The following RASSF3 variants were observed in gnomAD, a reference collection of about 807,000 sequenced individuals.
The protein encoded by RASSF3 is Ras association domain family member 3, also known as ras association domain-containing protein 3.
RASSF3 carries 19 observed loss-of-function variants against 19.9 expected under a neutral mutation model. That is an observed-to-expected ratio of 0.96 (90% CI 0.67 to 1.40). The LOEUF is 1.40. Ranked by LOEUF, RASSF3 falls within the 40% of genes most tolerant of loss-of-function variation. The pLI is 0.00. For missense variants in RASSF3, 306 were observed against 289.8 expected (o/e 1.06, Z -0.41); for synonymous variants, 110 against 104.2 (o/e 1.06, Z -0.34).
At chr12:64,524,266 T>C (rs1440829431) in intron 1 of RASSF3, among the ~76,000 whole-genome samples, 1 of 138,164 alleles carries the variant, frequency 7.2e-6, no homozygotes, top group African/African-American at 2.8e-5. Flanking sequence ...TTATTTATTT[T>C]TGTAGAATCA....
chr12:64,508,449 G>A (rs1459431887), intron 1 of RASSF3, among the ~76,000 whole-genome samples: 3 of 151,632 alleles, frequency 2.0e-5, no homozygotes, highest in Admixed American at 6.6e-5. Flanking sequence ...CCTGGGAGGC[G>A]AAGGTTGCAG....
At chr12:64,644,184 GTTGT>G (rs1425138821) in intron 1 of RASSF3, among the ~76,000 whole-genome samples, 1 of 152,180 alleles carries the variant, frequency 6.6e-6, no homozygotes, top group Non-Finnish European at 1.5e-5. Flanking sequence ...ATTGATTAGA[GTTGT>G]TTAAGGTAGA....
intron 1 of RASSF3, among the ~76,000 whole-genome samples, chr12:64,676,432 G>C (rs1265675352): frequency 2.8e-5 from 4 of 143,908 alleles, no homozygotes; most frequent in Non-Finnish European, 3.0e-5. Flanking sequence ...GCCTCCCAAA[G>C]TGCTGAGATT....
At chr12:64,587,051 C>CTT (rs747066386) in intron 2 of RASSF3, among the ~76,000 whole-genome samples, 1,597 of 134,082 alleles carry the variant, frequency 0.012, 87 homozygotes, top group African/African-American at 0.043. Flanking sequence ...CCTCGCCTCA[C>CTT]TTTTTTTTTT....
At chr12:64,508,407 C>A (rs1374518945) in intron 1 of RASSF3, among the ~76,000 whole-genome samples, 2 of 151,648 alleles carry the variant, frequency 1.3e-5, no homozygotes, top group Non-Finnish European at 2.9e-5. Flanking sequence ...ATCCCAGCTA[C>A]TCAGGAGACT....
intron 2 of RASSF3, among the ~76,000 whole-genome samples, chr12:64,583,681 C>G (rs1021740592): frequency 2.0e-5 from 3 of 152,080 alleles, no homozygotes; most frequent in African/African-American, 7.2e-5. Context: ...TTGCTGGCAC[C>G]AGGCACACAT....
At chr12:64,648,487 G>C (rs145425002) in intron 1 of RASSF3, among the ~76,000 whole-genome samples, 255 of 152,168 alleles carry the variant, frequency 1.7e-3, no homozygotes, top group African/African-American at 5.6e-3. Context: ...GGGTTAACCA[G>C]CGGTGGGTGT....
rs531811121 is a variant in RASSF3, at chr12:64,689,810, G to A, written c.457+1357G>A. Among the ~76,000 whole-genome samples, 6 of 10,216 alleles carry A rather than the reference G, an allele frequency of 5.9e-4. No individual in the cohort carries two copies. In the East Asian group the frequency reaches 6.9e-3, roughly 12 times the overall value. The allele number at this position is 10,216 out of a possible 152,430, so 6.7% of individuals were successfully genotyped here. ...CTAATTCTTTTTTTTTTTTTGAGAC[G>A]GAGTCTCGTTCTGTCACCCAGGCTG... On this transcript the variant is annotated intron_variant, in intron 3 of 4. Coordinates refer to ENST00000542104, the MANE Select transcript of RASSF3 (RefSeq NM_178169.4).
chr12:64,690,106 A>G (rs764616857), intron 3 of RASSF3, among the ~76,000 whole-genome samples: 8 of 150,100 alleles, frequency 5.3e-5, no homozygotes, highest in Non-Finnish European at 1.2e-4. Flanking sequence ...TTCTTAATTA[A>G]TCTGTAGAGA....
At chr12:64,678,921 C>T (rs1358897131) in intron 1 of RASSF3, among the ~76,000 whole-genome samples, 5 of 152,158 alleles carry the variant, frequency 3.3e-5, no homozygotes, top group Non-Finnish European at 7.3e-5. Context: ...AGTAACTTGC[C>T]TCTGGTCACG....
intron 2 of RASSF3, among the ~76,000 whole-genome samples, chr12:64,583,814 G>A (rs1247548402): frequency 1.3e-5 from 2 of 152,062 alleles, no homozygotes; most frequent in Non-Finnish European, 2.9e-5. Flanking sequence ...CTCCAATCAC[G>A]TCCACTTCCT....
downstream of RASSF3, among the ~76,000 whole-genome samples, chr12:64,543,486 CT>C (rs1592395610): frequency 2.9e-5 from 2 of 69,408 alleles, no homozygotes; most frequent in Non-Finnish European, 6.4e-5. Context: ...CCACCCCCCA[CT>C]CCCCCACTCC....
chr12:64,670,235 G>A (rs1872655924), intron 1 of RASSF3, among the ~76,000 whole-genome samples: 1 of 152,110 alleles, frequency 6.6e-6, no homozygotes. Flanking sequence ...TTTGGGGGTG[G>A]CTGCCCCAGG....
At chr12:64,645,611 A>G (rs1468036500) in intron 1 of RASSF3, among the ~76,000 whole-genome samples, 4 of 152,238 alleles carry the variant, frequency 2.6e-5, no homozygotes, top group South Asian at 4.1e-4. Context: ...CAAAGTTTGT[A>G]TTACTAGCCT....
At chr12:64,572,715 A>G (rs73317559) in intron 2 of RASSF3, among the ~76,000 whole-genome samples, 2,311 of 152,310 alleles carry the variant, frequency 0.015, 54 homozygotes, top group African/African-American at 0.053. Context: ...CACAGAAAGT[A>G]AGTCTAGTGT....
At chr12:64,622,641 T>C (rs1206717837) in intron 1 of RASSF3, 2 of 350,580 alleles carry the variant, frequency 5.7e-6, no homozygotes, top group Non-Finnish European at 1.1e-5. Flanking sequence ...AAATTGTTGC[T>C]TAATCTCTTT....
intron 1 of RASSF3, among the ~76,000 whole-genome samples, chr12:64,516,613 C>T (rs1450848455): frequency 2.5e-5 from 3 of 120,026 alleles, no homozygotes; most frequent in East Asian, 2.4e-4. Flanking sequence ...AGCGAGACTC[C>T]GTCTCAAAAA....
At chr12:64,514,327 C>T (rs1868347726) in intron 1 of RASSF3, among the ~76,000 whole-genome samples, 1 of 150,976 alleles carries the variant, frequency 6.6e-6, no homozygotes, top group African/African-American at 2.4e-5. Context: ...GCTGGGACTA[C>T]AGGCACGTGC....
intron 2 of RASSF3, among the ~76,000 whole-genome samples, chr12:64,590,235 A>G (rs1360120385): frequency 6.6e-6 from 1 of 151,874 alleles, no homozygotes; most frequent in Non-Finnish European, 1.5e-5. Flanking sequence ...CCCTGTCAAA[A>G]AAAAAAAAAA....
Sources: gnomAD v4.1 joint callset for allele counts (sites outside exome capture counted in the v4.1 genomes callset) on GRCh38, gnomAD v4.1.1 for gene constraint, MANE v1.5 for transcripts, NCBI Gene and HGNC (gene_info 2026-07-23, HGNC 2026-07-21) for gene names.